The following PCDHGB1 variants were observed in gnomAD, a reference collection of about 807,000 sequenced individuals.
PCDHGB1 encodes protocadherin gamma-B1.
In PCDHGB1, 34 loss-of-function variants were observed where a neutral mutation model predicts 56.6. The observed-to-expected ratio is 0.60, with a 90% CI of 0.46 to 0.80. PCDHGB1 has a LOEUF of 0.80. Ranked by LOEUF, PCDHGB1 falls within the 30% of genes least tolerant of loss-of-function variation. PCDHGB1 has a pLI of 0.00. For synonymous variants in PCDHGB1, 561 were observed against 505.9 expected (o/e 1.11, Z -1.46); for missense variants, 1,278 against 1,204.6 (o/e 1.06, Z -0.90).
At chr5:141,398,009 C>T (rs1589315775) in intron 1 of PCDHGB1, 2 of 1,400,564 alleles carry the variant, frequency 1.4e-6, no homozygotes, top group Non-Finnish European at 1.9e-6. Flanking sequence ...GAAAAAGAAT[C>T]GTTTCCTAAA....
chr5:141,499,457 T>G (rs1000400491), intron 2 of PCDHGB1, among the ~76,000 whole-genome samples: 1 of 152,214 alleles, frequency 6.6e-6, no homozygotes, highest in African/African-American at 2.4e-5. Context: ...CCCATCATTT[T>G]ACAATCTAGG....
intron 3 of PCDHGB1, 46 bp from the exon 4 acceptor site, chr5:141,510,901 A>G: frequency 1.9e-6 from 3 of 1,613,412 alleles, no homozygotes; most frequent in African/African-American, 2.7e-5. Flanking sequence ...GTGACTGTTG[A>G]GGACCCTAAG....
intron 1 of PCDHGB1, among the ~76,000 whole-genome samples, chr5:141,462,035 C>G (rs35674654): frequency 2.0e-5 from 3 of 152,076 alleles, no homozygotes; most frequent in Non-Finnish European, 4.4e-5. Context: ...GTTGGTCAGG[C>G]GGGTCTTGAA....
chr5:141,395,961 G>C (rs1016569431), intron 1 of PCDHGB1: 1 of 151,956 alleles, frequency 6.6e-6, no homozygotes, highest in Non-Finnish European at 1.5e-5. Flanking sequence ...AAAAACAAAA[G>C]CAAAAACATT....
chr5:141,496,513 G>A (rs1364297990), intron 2 of PCDHGB1, among the ~76,000 whole-genome samples: 1 of 152,140 alleles, frequency 6.6e-6, no homozygotes, highest in Non-Finnish European at 1.5e-5. Context: ...CAAGGACCCA[G>A]GAGCCCTTGG....
At chr5:141,360,170 G>C (rs72790010) in intron 1 of PCDHGB1, 42,447 of 1,607,730 alleles carry the variant, frequency 0.026, 720 homozygotes, top group East Asian at 0.041. Context: ...GGGCTGGTGC[G>C]GTGGCTGCAG....
At chr5:141,504,113 C>A (rs568207803) in intron 2 of PCDHGB1, among the ~76,000 whole-genome samples, 1 of 152,220 alleles carries the variant, frequency 6.6e-6, no homozygotes, top group Non-Finnish European at 1.5e-5. Flanking sequence ...TGTGTGTGTG[C>A]CAGGGCTGTT....
intron 1 of PCDHGB1, chr5:141,374,770 G>A (rs750704696): frequency 6.8e-6 from 11 of 1,613,696 alleles, no homozygotes; most frequent in South Asian, 1.1e-5. Context: ...CCCAAATTCT[G>A]GTAACAGTTC....
At chr5:141,418,632 G>A in intron 1 of PCDHGB1, 1 of 1,614,028 alleles carries the variant, frequency 6.2e-7, no homozygotes, top group Non-Finnish European at 8.5e-7. Flanking sequence ...GTGCCTCCAG[G>A]CACCTCCATC....
At chr5:141,457,573 C>T (rs934685938) in intron 1 of PCDHGB1, among the ~76,000 whole-genome samples, 3 of 152,206 alleles carry the variant, frequency 2.0e-5, no homozygotes, top group Non-Finnish European at 4.4e-5. Flanking sequence ...CAAAATTTTT[C>T]TCTCCAGTCC....
chr5:141,448,903 C>A (rs1460471063), intron 1 of PCDHGB1, among the ~76,000 whole-genome samples: 2 of 152,112 alleles, frequency 1.3e-5, no homozygotes, highest in Non-Finnish European at 2.9e-5. Context: ...CGAGATCGTG[C>A]CACTGCACTC....
intron 1 of PCDHGB1, chr5:141,374,203 G>C: frequency 6.2e-7 from 1 of 1,613,926 alleles, no homozygotes; most frequent in East Asian, 2.2e-5. Context: ...AGGAGCTGGA[G>C]AAAGGCTCCT....
In PCDHGB1 at chr5:141,388,846, A is replaced by G. The variant is rs758753526; in HGVS notation, c.2409+36177A>G. ...TATTCCATAGTTTTGGAAGCAAGGG[A>G]CGGTGGAGGAATGATTGCGCAATGC... On this transcript the variant is annotated intron_variant, in intron 1 of 3. Coordinates refer to ENST00000523390, the MANE Select transcript of PCDHGB1 (RefSeq NM_018922.3). The G allele has an allele frequency of 5.6e-6, 9 of 1,613,870 alleles. No homozygotes were observed. In the East Asian group the frequency reaches 2.0e-4, roughly 36 times the overall value.
intron 1 of PCDHGB1, among the ~76,000 whole-genome samples, chr5:141,354,612 C>T (rs1759590702): frequency 6.6e-6 from 1 of 152,210 alleles, no homozygotes; most frequent in Non-Finnish European, 1.5e-5. Context: ...GTTCCTGTCC[C>T]ACTGTCTTTT....
At chr5:141,417,854 C>G in intron 1 of PCDHGB1, 2 of 1,543,902 alleles carry the variant, frequency 1.3e-6, no homozygotes, top group Non-Finnish European at 1.8e-6. Flanking sequence ...AGAACCCGAG[C>G]GAACGATGGG....
chr5:141,510,854 T>A, intron 3 of PCDHGB1, 93 bp from the exon 4 acceptor site: 1 of 1,602,320 alleles, frequency 6.2e-7, no homozygotes, highest in East Asian at 2.2e-5. Context: ...CCCAGGGTGC[T>A]GTATAGGCAT....
At chr5:141,437,832 G>A (rs929534984) in intron 1 of PCDHGB1, among the ~76,000 whole-genome samples, 2 of 151,794 alleles carry the variant, frequency 1.3e-5, no homozygotes, top group Admixed American at 1.3e-4. Context: ...CTGCCTCCTG[G>A]GTTCATGCTA....
At chr5:141,503,387 G>A (rs975079596) in intron 2 of PCDHGB1, among the ~76,000 whole-genome samples, 24 of 152,068 alleles carry the variant, frequency 1.6e-4, no homozygotes, top group Middle Eastern at 3.4e-3. Flanking sequence ...ATGAGGTCAG[G>A]AGTTCGAAAC....
intron 1 of PCDHGB1, among the ~76,000 whole-genome samples, chr5:141,438,498 CAT>C (rs2097963931): frequency 6.7e-6 from 1 of 149,704 alleles, no homozygotes; most frequent in African/African-American, 2.5e-5. Context: ...AAAAAAGAAT[CAT>C]AGTGCAAAAC....
Sources: gnomAD v4.1 joint callset for allele counts (sites outside exome capture counted in the v4.1 genomes callset) on GRCh38, gnomAD v4.1.1 for gene constraint, MANE v1.5 for transcripts, NCBI Gene and HGNC (gene_info 2026-07-23, HGNC 2026-07-21) for gene names.